SUZ12: variants seen among roughly 807,000 people sequenced by gnomAD.
SUZ12 encodes SUZ12 polycomb repressive complex 2 subunit.
Under a neutral mutation model 87.3 loss-of-function variants are expected in SUZ12, and 17 were observed. The observed-to-expected ratio is 0.19, with a 90% CI of 0.13 to 0.29. The LOEUF (loss-of-function observed/expected upper bound fraction) is 0.29, where lower values mean the gene tolerates loss of function less well. Among genes scored for constraint, SUZ12 ranks in the 10% least tolerant of loss-of-function variants. The pLI, the probability that SUZ12 is intolerant of heterozygous loss-of-function variation, is 1.00. For synonymous variants in SUZ12, 253 were observed against 312.4 expected (o/e 0.81, Z 2.01); for missense variants, 526 against 912.2 (o/e 0.58, Z 5.45).
intron 10 of SUZ12, among the ~76,000 whole-genome samples, chr17:31,989,060 T>A (rs1909563111): frequency 6.6e-6 from 1 of 151,510 alleles, no homozygotes; most frequent in South Asian, 2.1e-4. Context: ...AGAGCAATAC[T>A]CCATCTCAAA....
chr17:31,994,049 T>A, intron 12 of SUZ12, 41 bp downstream of exon 12: 2 of 1,590,626 alleles, frequency 1.3e-6, no homozygotes, highest in Non-Finnish European at 1.7e-6. Context: ...TGTTAAGAAA[T>A]CTCTTGTACC....
intron 6 of SUZ12, 37 bp from the exon 7 acceptor site, chr17:31,975,445 A>G (rs34542442): frequency 7.2e-7 from 1 of 1,397,184 alleles, no homozygotes; most frequent in South Asian, 1.4e-5. Context: ...TTGCTTATAT[A>G]CAAATAAATA....
chr17:31,967,806 CAGTG>C (rs1365691054), intron 5 of SUZ12, among the ~76,000 whole-genome samples: 2 of 152,160 alleles, frequency 1.3e-5, no homozygotes, highest in Admixed American at 1.3e-4. Context: ...TTCAAGGTTA[CAGTG>C]AGCTATGATT....
chr17:31,951,482 CTTTTT>C (rs1038403579), intron 4 of SUZ12, among the ~76,000 whole-genome samples: 24 of 133,298 alleles, frequency 1.8e-4, no homozygotes, highest in Admixed American at 4.5e-4. Flanking sequence ...GTGGTTAGTT[CTTTTT>C]TTTTTTTTTT....
intron 1 of SUZ12, 152 bp downstream of exon 1, chr17:31,937,672 C>G: frequency 8.5e-7 from 1 of 1,176,982 alleles, no homozygotes; most frequent in African/African-American, 1.7e-5. Context: ...GAGATTACGT[C>G]TCCAGGGGAT....
intron 10 of SUZ12, among the ~76,000 whole-genome samples, chr17:31,991,771 G>GT (rs989375052): frequency 5.3e-5 from 8 of 151,394 alleles, no homozygotes; most frequent in African/African-American, 7.3e-5. Flanking sequence ...TGCCTGGCTA[G>GT]TTTTTTTTCA....
At chr17:31,943,842 C>T (rs1906453864) in intron 3 of SUZ12, among the ~76,000 whole-genome samples, 1 of 151,958 alleles carries the variant, frequency 6.6e-6, no homozygotes, top group Non-Finnish European at 1.5e-5. Context: ...GGATTACAGG[C>T]GTGTGGCACT....
At chr17:31,954,887 T>TGA (rs1340296727) in intron 4 of SUZ12, among the ~76,000 whole-genome samples, 2 of 152,180 alleles carry the variant, frequency 1.3e-5, no homozygotes, top group African/African-American at 4.8e-5. Context: ...GAGAGTGGTA[T>TGA]GAGAAGAAGC....
intron 8 of SUZ12, among the ~76,000 whole-genome samples, chr17:31,978,596 A>C (rs1174199441): frequency 7.1e-3 from 984 of 139,110 alleles, no homozygotes; most frequent in South Asian, 0.017. Context: ...AATAGTGGTC[A>C]TGTCTGTGGG....
At chr17:31,963,909 C>T (rs1357109117) in intron 4 of SUZ12, 4 of 152,420 alleles carry the variant, frequency 2.6e-5, no homozygotes, top group Non-Finnish European at 4.4e-5. Flanking sequence ...AGATTTGGCG[C>T]GTTCGGGGTG....
chr17:31,996,066 C>T (rs1480648969), intron 14 of SUZ12, among the ~76,000 whole-genome samples: 1 of 152,034 alleles, frequency 6.6e-6, no homozygotes, highest in African/African-American at 2.4e-5. Context: ...AAAAATTAGC[C>T]AGGCATGGTG....
rs544479846 is a variant in SUZ12, at chr17:31,937,336, G to C, written c.90G>C (p.Ala30=). 2.2e-4 allele frequency: 317 copies of C among 1,473,746 alleles called. No homozygotes were observed. In the African/African-American group the frequency reaches 4.3e-3, roughly 20 times the overall value. 91.3% of individuals were successfully genotyped at this position (1,473,746 alleles called of 1,614,324 possible). A position where few individuals can be genotyped will look rare whatever the true frequency, so the allele number is the denominator to read the frequency against. ...SGGGGFGGSA[A]VAAATASGGK... is the part of the protein sequence containing the mutation. ...GAGGCGGCTTCGGGGGTTCGGCGGC[G>C]GTGGCGGCGGCGACGGCTTCGGGCG... Residue 30 remains alanine, a synonymous_variant, in exon 1 of 16, where the codon GCG becomes GCC. Coordinates refer to ENST00000322652, the MANE Select transcript of SUZ12 (RefSeq NM_015355.4).
intron 4 of SUZ12, among the ~76,000 whole-genome samples, chr17:31,949,094 G>T (rs950583483): frequency 6.6e-6 from 1 of 152,082 alleles, no homozygotes; most frequent in African/African-American, 2.4e-5. Context: ...ACCAACAACA[G>T]GAACACTGGA....
chr17:31,979,103 C>CAAAAAAAAAAAAAAA (rs61307349), intron 8 of SUZ12, among the ~76,000 whole-genome samples: 1 of 65,262 alleles, frequency 1.5e-5, no homozygotes, highest in African/African-American at 4.5e-5. Flanking sequence ...ACTGTGTCTC[C>CAAAAAAAAAAAAAAA]AAAAAAAAAA....
At chr17:31,991,801 T>C (rs1909735311) in intron 10 of SUZ12, among the ~76,000 whole-genome samples, 1 of 151,702 alleles carries the variant, frequency 6.6e-6, no homozygotes, top group African/African-American at 2.4e-5. Flanking sequence ...GGTTTCACCA[T>C]GTTAGGCAGG....
At chr17:31,991,030 A>C (rs1909695064) in intron 10 of SUZ12, among the ~76,000 whole-genome samples, 1 of 152,186 alleles carries the variant, frequency 6.6e-6, no homozygotes, top group Admixed American at 6.5e-5. Flanking sequence ...TACAGGCTTG[A>C]GCCATTGCGC....
At chr17:31,942,656 A>AG (rs1408078588) in intron 3 of SUZ12, among the ~76,000 whole-genome samples, 3 of 152,124 alleles carry the variant, frequency 2.0e-5, no homozygotes, top group Non-Finnish European at 4.4e-5. Flanking sequence ...GTCTTATTGA[A>AG]GGGGAAACAC....
chr17:31,940,605 T>C, intron 3 of SUZ12, 119 bp downstream of exon 3: 2 of 1,435,734 alleles, frequency 1.4e-6, no homozygotes, highest in Non-Finnish European at 1.8e-6. Context: ...TAACTAAAGA[T>C]TTAAGATGAA....
intron 8 of SUZ12, among the ~76,000 whole-genome samples, chr17:31,981,382 G>GT (rs1334811298): frequency 6.6e-6 from 1 of 152,142 alleles, no homozygotes; most frequent in Non-Finnish European, 1.5e-5. Context: ...ACTGAGATGC[G>GT]TTTTTTCACT....
Sources: gnomAD v4.1 joint callset for allele counts (sites outside exome capture counted in the v4.1 genomes callset) on GRCh38, gnomAD v4.1.1 for gene constraint, MANE v1.5 for transcripts, NCBI Gene and HGNC (gene_info 2026-07-23, HGNC 2026-07-21) for gene names.